The following ULK4 variants were observed in gnomAD, a reference collection of about 807,000 sequenced individuals.
ULK4 encodes inactive serine/threonine-protein kinase ULK4.
In ULK4, 133 loss-of-function variants were observed where a neutral mutation model predicts 160.6. The observed-to-expected ratio is 0.83, with a 90% confidence interval of 0.72 to 0.96. The LOEUF is 0.96. Ranked by LOEUF, ULK4 falls within the 40% of genes least tolerant of loss-of-function variation. The pLI, the probability that ULK4 is intolerant of heterozygous loss-of-function variation, is 0.00. For missense variants in ULK4, 1,580 were observed against 1,499.5 expected, an observed-to-expected ratio of 1.05 and a Z score of -0.89; for synonymous variants, 534 against 539.8, an observed-to-expected ratio of 0.99 and a Z score of 0.15.
rs541564912 is a variant in ULK4, at chr3:41,893,468, T to C, written c.1577+2050A>G. On this transcript the variant is annotated intron_variant, in intron 16 of 36. Transcript: ENST00000301831. ...TAAACACATTGACTGGGATTATATA[T>C]TGATACAATTTTTTTAAGAGTATTT... 7.9e-5 allele frequency among the ~76,000 whole-genome samples: 12 copies of C among 152,300 alleles called. No individual in the cohort carries two copies. The South Asian group carries it at 2.3e-3, about 29-fold the overall frequency.
chr3:41,863,684 C>T (rs1243407432), intron 17 of ULK4, among the ~76,000 whole-genome samples: 1 of 151,692 alleles, frequency 6.6e-6, no homozygotes, highest in Non-Finnish European at 1.5e-5. Context: ...AGGACCGGGT[C>T]CTTTCCCTCA....
intron 20 of ULK4, among the ~76,000 whole-genome samples, chr3:41,792,927 C>T (rs1198485703): frequency 6.6e-6 from 1 of 152,224 alleles, no homozygotes; most frequent in Non-Finnish European, 1.5e-5. Context: ...GCAATCCCAG[C>T]ACTCAGGGAG....
rs79866489 is a variant in ULK4 at position 41,833,463 on chromosome 3, T to C, written c.1764+2401A>G. The stretch of plus-strand genomic sequence containing the variant: ...AGTGCCCACCACCATGCCTGGCTAA[T>C]TTTTTTGTATTTTTAGTAGAGACGG... On this transcript the variant is annotated intron_variant, in intron 18 of 36. Transcript: ENST00000301831. 6.6e-5 allele frequency among the ~76,000 whole-genome samples: 10 copies of C among 151,770 alleles called. No individual in the cohort carries two copies. In the East Asian group the frequency reaches 1.7e-3, roughly 26 times the overall value.
chr3:41,924,239 T>C (rs1233142645), intron 5 of ULK4, among the ~76,000 whole-genome samples: 1 of 152,212 alleles, frequency 6.6e-6, no homozygotes, highest in African/African-American at 2.4e-5. Flanking sequence ...ATTTTTTTCA[T>C]GTGCCTTGCT....
At chr3:41,885,826 G>A (rs1164530722) in intron 16 of ULK4, among the ~76,000 whole-genome samples, 1 of 152,000 alleles carries the variant, frequency 6.6e-6, no homozygotes. Context: ...CTATAGGTGT[G>A]CACCACCATC....
chr3:41,323,391 AACACACACACACACAC>A (rs34357899), intron 35 of ULK4, among the ~76,000 whole-genome samples: 153 of 120,320 alleles, frequency 1.3e-3, no homozygotes, highest in African/African-American at 4.3e-3. Context: ...CCTGAACAAT[AACACACACACACACAC>A]ACACACACAC....
chr3:41,851,005 A>G (rs12108067), intron 17 of ULK4, among the ~76,000 whole-genome samples: 311 of 152,294 alleles, frequency 2.0e-3, no homozygotes, highest in African/African-American at 7.2e-3. Context: ...CTAGATATAC[A>G]ATCATCTCAT....
At chr3:41,339,040 T>C (rs4311191) in intron 35 of ULK4, among the ~76,000 whole-genome samples, 1,578 of 151,930 alleles carry the variant, frequency 0.01, 32 homozygotes, top group African/African-American at 0.036. Context: ...AACACCCTTA[T>C]ACATACGCCC....
intron 17 of ULK4, among the ~76,000 whole-genome samples, chr3:41,863,355 C>G (rs2042548569): frequency 2.0e-5 from 3 of 149,148 alleles, no homozygotes; most frequent in African/African-American, 5.0e-5. Context: ...TGGGCTCCCC[C>G]TCTGGCCCAG....
At chr3:41,458,605 A>C (rs2083609626) in intron 33 of ULK4, among the ~76,000 whole-genome samples, 1 of 152,206 alleles carries the variant, frequency 6.6e-6, no homozygotes. Flanking sequence ...GTATTAAAAA[A>C]AAAGGCCAGG....
intron 18 of ULK4, among the ~76,000 whole-genome samples, chr3:41,823,945 T>C (rs1178238415): frequency 1.3e-5 from 2 of 152,094 alleles, no homozygotes; most frequent in South Asian, 2.1e-4. Context: ...GGCAGATCAC[T>C]TGAGGTCAGG....
In ULK4 at chr3:41,505,733, G is replaced by C. The variant is rs369432108; in HGVS notation, c.3227-42480C>G. 4.7e-4 allele frequency among the ~76,000 whole-genome samples: 71 copies of C among 151,778 alleles called. 3 individuals carry two copies. The South Asian group carries it at 0.014, about 31-fold the overall frequency. On this transcript the variant is annotated intron_variant, in intron 32 of 36. Coordinates refer to ENST00000301831, the MANE Select transcript of ULK4 (RefSeq NM_017886.4). ...TTCATTGATTCTTTTTAATTTTCTA[G>C]GTTCACAATCATGTCATCTGAAAAT...
intron 21 of ULK4, among the ~76,000 whole-genome samples, chr3:41,767,209 CA>C (rs1227507091): frequency 2.0e-5 from 3 of 152,078 alleles, no homozygotes; most frequent in African/African-American, 4.8e-5. Flanking sequence ...AAAGTTGAAG[CA>C]TGTTAATTTT....
chr3:41,330,716 C>T (rs1021639582), intron 35 of ULK4, among the ~76,000 whole-genome samples: 6 of 152,316 alleles, frequency 3.9e-5, no homozygotes, highest in African/African-American at 1.2e-4. Flanking sequence ...ACACTTAGGC[C>T]TCATAGTAGT....
intron 21 of ULK4, among the ~76,000 whole-genome samples, chr3:41,762,314 C>T (rs147256483): frequency 6.0e-4 from 92 of 152,256 alleles, no homozygotes; most frequent in African/African-American, 2.0e-3. Context: ...CTGTTACCAT[C>T]ATTCTGTTCT....
chr3:41,819,135 G>A (rs2041059967), intron 19 of ULK4, among the ~76,000 whole-genome samples: 1 of 152,150 alleles, frequency 6.6e-6, no homozygotes, highest in African/African-American at 2.4e-5. Flanking sequence ...AAGGGGGAGT[G>A]CGGAGGGTAA....
At chr3:41,598,421 A>G (rs2031834225) in intron 31 of ULK4, among the ~76,000 whole-genome samples, 1 of 152,198 alleles carries the variant, frequency 6.6e-6, no homozygotes, top group Non-Finnish European at 1.5e-5. Flanking sequence ...AGAGAAACAT[A>G]TGTAAGCAAT....
chr3:41,391,909 G>A (rs747914938), intron 35 of ULK4, among the ~76,000 whole-genome samples: 3 of 152,078 alleles, frequency 2.0e-5, no homozygotes, highest in Non-Finnish European at 4.4e-5. Context: ...CGGGTGAGAA[G>A]GTGACAGGGA....
chr3:41,716,669 T>C (rs1352661022), intron 23 of ULK4, among the ~76,000 whole-genome samples: 1 of 152,198 alleles, frequency 6.6e-6, no homozygotes, highest in Non-Finnish European at 1.5e-5. Flanking sequence ...CTATAATAGC[T>C]TGGATCAAAT....
Sources: allele counts gnomAD v4.1 joint callset (sites outside exome capture counted in the v4.1 genomes callset), GRCh38; gene constraint gnomAD v4.1.1; transcripts MANE v1.5; gene names NCBI Gene and HGNC (gene_info 2026-07-23, HGNC 2026-07-21).